The following CNTN4 variants were observed in gnomAD, a reference collection of about 807,000 sequenced individuals.
CNTN4 encodes contactin-4.
CNTN4 carries 77 observed loss-of-function variants against 122.5 expected under a neutral mutation model. That is an observed-to-expected ratio of 0.63 (90% CI 0.52 to 0.76). The LOEUF (loss-of-function observed/expected upper bound fraction) is 0.76. Ranked by LOEUF, CNTN4 falls within the 30% of genes least tolerant of loss-of-function variation. The pLI is 0.00. For missense variants in CNTN4, 1,256 were observed against 1,259.1 expected, an observed-to-expected ratio of 1.00 and a Z score of 0.04; for synonymous variants, 512 against 447.0, an observed-to-expected ratio of 1.15 and a Z score of -1.83.
chr3:2,391,201 A>G (rs2046430594), intron 3 of CNTN4, among the ~76,000 whole-genome samples: 1 of 152,210 alleles, frequency 6.6e-6, no homozygotes, highest in African/African-American at 2.4e-5. Flanking sequence ...ATCTTCAAAT[A>G]TAATAACCAG....
intron 13 of CNTN4, among the ~76,000 whole-genome samples, chr3:2,987,335 T>G (rs1414051724): frequency 6.6e-6 from 1 of 152,188 alleles, no homozygotes; most frequent in Admixed American, 6.5e-5. Context: ...GCCAAGGATA[T>G]AGCTTTAAGC....
chr3:2,353,531 G>A lies in CNTN4; in HGVS notation c.-89+14298G>A, dbSNP rs1046376647. On this transcript the variant is annotated intron_variant, in intron 3 of 24. Coordinates refer to ENST00000418658, the MANE Select transcript of CNTN4 (RefSeq NM_175607.3). ...GTCCTTAAGAGCTGTAACAGTCACCGGGAAGGTCTGCAGTTTCACTCCTGA... is the reference window on the plus strand; with the variant it reads ...GTCCTTAAGAGCTGTAACAGTCACCAGGAAGGTCTGCAGTTTCACTCCTGA... Among the ~76,000 whole-genome samples the A allele has an allele frequency of 2.7e-4, 41 of 152,084 alleles. 1 individual carries two copies. The highest frequency in any genetic ancestry group is 2.7e-4 in the African/African-American group (11 of 41,390).
At chr3:2,689,961 A>C (rs887873021) in intron 4 of CNTN4, among the ~76,000 whole-genome samples, 7 of 152,152 alleles carry the variant, frequency 4.6e-5, no homozygotes, top group African/African-American at 1.4e-4. Flanking sequence ...CATTATGCCC[A>C]AAAACTAAGA....
At chr3:2,462,771 C>T (rs527882017) in intron 3 of CNTN4, among the ~76,000 whole-genome samples, 5 of 152,188 alleles carry the variant, frequency 3.3e-5, no homozygotes, top group Non-Finnish European at 5.9e-5. Flanking sequence ...TGGTTACTTA[C>T]TGGCTAATCA....
intron 16 of CNTN4, among the ~76,000 whole-genome samples, chr3:3,031,180 C>G (rs768447564): frequency 7.2e-5 from 11 of 152,186 alleles, no homozygotes; most frequent in Non-Finnish European, 1.5e-4. Context: ...GCACCGAACA[C>G]ATCCAGTAAC....
chr3:2,299,261 T>A (rs1445846540), intron 2 of CNTN4, among the ~76,000 whole-genome samples: 1 of 152,142 alleles, frequency 6.6e-6, no homozygotes, highest in African/African-American at 2.4e-5. Flanking sequence ...TTGTGAAGAG[T>A]TGCAACATTT....
At chr3:2,135,085 C>G (rs1045240983) in intron 2 of CNTN4, among the ~76,000 whole-genome samples, 1 of 152,086 alleles carries the variant, frequency 6.6e-6, no homozygotes, top group East Asian at 1.9e-4. Flanking sequence ...AAACCCTGAT[C>G]TAGTGAAGTG....
chr3:2,616,834 C>A (rs1216673582), intron 4 of CNTN4, among the ~76,000 whole-genome samples: 2 of 152,134 alleles, frequency 1.3e-5, no homozygotes, highest in African/African-American at 2.4e-5. Flanking sequence ...AGAAATAACA[C>A]CCAACATCTA....
chr3:2,981,415 G>A (rs1364267010), intron 13 of CNTN4, among the ~76,000 whole-genome samples: 1 of 152,136 alleles, frequency 6.6e-6, no homozygotes, highest in Non-Finnish European at 1.5e-5. Context: ...CTGCACTCCA[G>A]CCTGGGCGAC....
At chr3:2,655,231 A>G (rs536066199) in intron 4 of CNTN4, among the ~76,000 whole-genome samples, 2 of 152,326 alleles carry the variant, frequency 1.3e-5, no homozygotes, top group South Asian at 4.1e-4. Flanking sequence ...ATTAACTCTG[A>G]AGAAAGTTCA....
chr3:2,125,831 C>T (rs991909208), intron 2 of CNTN4, among the ~76,000 whole-genome samples: 4 of 151,518 alleles, frequency 2.6e-5, no homozygotes, highest in African/African-American at 9.7e-5. Context: ...GCTGGGATTA[C>T]AGGCGTGAGC....
intron 4 of CNTN4, among the ~76,000 whole-genome samples, chr3:2,623,132 T>A (rs547985692): frequency 2.0e-4 from 31 of 152,232 alleles, no homozygotes; most frequent in African/African-American, 5.5e-4. Flanking sequence ...CATGGTAATA[T>A]GACAAAATCC....
chr3:2,275,238 G>GC (rs2041457606), intron 2 of CNTN4, among the ~76,000 whole-genome samples: 1 of 152,200 alleles, frequency 6.6e-6, no homozygotes, highest in Admixed American at 6.5e-5. Flanking sequence ...GCCACAGTGA[G>GC]CACTCTTTTC....
chr3:2,611,592 C>G (rs2081493537), intron 4 of CNTN4, among the ~76,000 whole-genome samples: 1 of 152,134 alleles, frequency 6.6e-6, no homozygotes, highest in Admixed American at 6.6e-5. Context: ...CCATTCCTCT[C>G]TTTCCCTTTT....
chr3:2,398,548 A>G (rs1330644180), intron 3 of CNTN4, among the ~76,000 whole-genome samples: 2 of 152,180 alleles, frequency 1.3e-5, no homozygotes, highest in African/African-American at 4.8e-5. Flanking sequence ...AGCTATGTAG[A>G]AGTAAGTTTA....
chr3:2,559,776 A>C (rs766364035), intron 3 of CNTN4, among the ~76,000 whole-genome samples: 1 of 152,170 alleles, frequency 6.6e-6, no homozygotes, highest in African/African-American at 2.4e-5. Context: ...CACCATCTGC[A>C]TGTAGTCATG....
At chr3:2,723,627 A>G (rs2088007970) in intron 4 of CNTN4, among the ~76,000 whole-genome samples, 2 of 152,190 alleles carry the variant, frequency 1.3e-5, no homozygotes, top group South Asian at 4.1e-4. Flanking sequence ...CCTTAATCCC[A>G]TTCATGAGGG....
At chr3:2,127,848 C>A (rs1427117127) in intron 2 of CNTN4, among the ~76,000 whole-genome samples, 1 of 152,174 alleles carries the variant, frequency 6.6e-6, no homozygotes, top group Admixed American at 6.5e-5. Context: ...AGATTGCAAG[C>A]TCCACTGGTG....
chr3:2,448,088 G>C (rs772982886), intron 3 of CNTN4, among the ~76,000 whole-genome samples: 4 of 152,176 alleles, frequency 2.6e-5, no homozygotes, highest in Non-Finnish European at 5.9e-5. Flanking sequence ...AATTGTGCCT[G>C]GTGGGATCAT....
Sources: allele counts gnomAD v4.1 joint callset (sites outside exome capture counted in the v4.1 genomes callset), GRCh38; gene constraint gnomAD v4.1.1; transcripts MANE v1.5; gene names NCBI Gene and HGNC (gene_info 2026-07-23, HGNC 2026-07-21).